Variants in UBE2R2 observed in about 807,000 individuals in gnomAD.
UBE2R2 encodes ubiquitin conjugating enzyme E2 R2, also known as ubiquitin-conjugating enzyme E2 R2.
Under a neutral mutation model 27.8 loss-of-function variants are expected in UBE2R2, and 1 was observed. That is an observed-to-expected ratio of 0.04 (90% CI 0.01 to 0.17). The LOEUF (loss-of-function observed/expected upper bound fraction) is 0.17, where lower values mean the gene tolerates loss of function less well. Among genes scored for constraint, UBE2R2 ranks in the 10% least tolerant of loss-of-function variants. UBE2R2 has a pLI of 1.00. For synonymous variants in UBE2R2, 106 were observed against 113.3 expected (o/e 0.94, Z 0.41); for missense variants, 100 against 291.0 (o/e 0.34, Z 4.78).
At chr9:33,863,228 A>G (rs1447928779) in intron 1 of UBE2R2, among the ~76,000 whole-genome samples, 1 of 151,372 alleles carries the variant, frequency 6.6e-6, no homozygotes, top group African/African-American at 2.4e-5. Flanking sequence ...AAGAAAGTAC[A>G]TGGGTACATG....
At chr9:33,909,293 C>T (rs1158714113) in intron 3 of UBE2R2, among the ~76,000 whole-genome samples, 1 of 152,002 alleles carries the variant, frequency 6.6e-6, no homozygotes, top group Non-Finnish European at 1.5e-5. Context: ...TGAGACCACC[C>T]TGGCCAACAT....
intron 3 of UBE2R2, among the ~76,000 whole-genome samples, chr9:33,910,414 T>C (rs544902889): frequency 3.8e-4 from 58 of 152,324 alleles, no homozygotes; most frequent in African/African-American, 1.4e-3. Context: ...CCCAAAGTGC[T>C]GGGATTACAG....
At chr9:33,871,537 C>A (rs1420117774) in intron 1 of UBE2R2, among the ~76,000 whole-genome samples, 2 of 151,898 alleles carry the variant, frequency 1.3e-5, no homozygotes, top group African/African-American at 4.8e-5. Flanking sequence ...GGTACTTGTT[C>A]TTTTTATTTA....
intron 1 of UBE2R2, among the ~76,000 whole-genome samples, chr9:33,854,831 G>A (rs1056206125): frequency 8.6e-5 from 13 of 150,682 alleles, no homozygotes; most frequent in East Asian, 1.9e-4. Flanking sequence ...TGATCCTCCC[G>A]CCTTAGCCTC....
chr9:33,916,522 G>T (rs1359960856), intron 4 of UBE2R2, among the ~76,000 whole-genome samples: 2 of 152,182 alleles, frequency 1.3e-5, no homozygotes, highest in Non-Finnish European at 2.9e-5. Flanking sequence ...CATTAAACCA[G>T]AGTGGGACGT....
chr9:33,824,975 C>T (rs1041915757), intron 1 of UBE2R2, among the ~76,000 whole-genome samples: 1 of 151,788 alleles, frequency 6.6e-6, no homozygotes, highest in Non-Finnish European at 1.5e-5. Context: ...ATTATTTCTT[C>T]CTGGATTGAA....
At chr9:33,887,882 G>A (rs1449065941) in intron 2 of UBE2R2, among the ~76,000 whole-genome samples, 1 of 152,154 alleles carries the variant, frequency 6.6e-6, no homozygotes, top group Admixed American at 6.5e-5. Context: ...TCACCATGTT[G>A]GCCAGGCTGT....
intron 1 of UBE2R2, among the ~76,000 whole-genome samples, chr9:33,832,649 G>A (rs1292694233): frequency 2.7e-5 from 4 of 147,146 alleles, no homozygotes; most frequent in African/African-American, 1.0e-4. Context: ...ACAAGAGTGA[G>A]ACTCCGTCTA....
chr9:33,872,640 G>A (rs947689300), intron 1 of UBE2R2, among the ~76,000 whole-genome samples: 14 of 151,986 alleles, frequency 9.2e-5, no homozygotes, highest in African/African-American at 2.7e-4. Flanking sequence ...TACAAGATTA[G>A]CAGGGCATGG....
At chr9:33,900,705 A>G (rs755939825) in intron 3 of UBE2R2, among the ~76,000 whole-genome samples, 39 of 152,102 alleles carry the variant, frequency 2.6e-4, no homozygotes, top group Non-Finnish European at 3.4e-4. Flanking sequence ...ATATAAATAT[A>G]TATCTATATA....
At chr9:33,838,848 C>T (rs527924034) in intron 1 of UBE2R2, among the ~76,000 whole-genome samples, 3 of 151,608 alleles carry the variant, frequency 2.0e-5, no homozygotes, top group East Asian at 1.9e-4. Context: ...TTTGGGAGGC[C>T]GAGGTGGGTG....
rs367990862 is a variant in UBE2R2 at position 33,917,204 on chromosome 9, T to C, written c.684T>C (p.Tyr228=). The C allele has an allele frequency of 1.1e-5, 18 of 1,613,788 alleles. No homozygotes were observed. Among genetic ancestry groups the C allele is most frequent in the African/African-American group, 1.1e-4 (8 of 74,926 alleles). ...EDEEEEDADC[Y]DDDDSGNEES Reference sequence around the variant, plus strand: ...AGGAGGAGGAAGATGCCGACTGTTATGATGATGATGATTCTGGGAATGAGG... The same window carrying C: ...AGGAGGAGGAAGATGCCGACTGTTACGATGATGATGATTCTGGGAATGAGG... The change falls in exon 5 of 5, where the codon TAT becomes TAC. Residue 228 remains tyrosine (Y), a synonymous_variant. Transcript: ENST00000263228.
At chr9:33,892,190 T>C (rs1822003273) in intron 2 of UBE2R2, among the ~76,000 whole-genome samples, 1 of 152,156 alleles carries the variant, frequency 6.6e-6, no homozygotes, top group Non-Finnish European at 1.5e-5. Context: ...CCTTTCTGTT[T>C]TGCACTGTGT....
intron 1 of UBE2R2, among the ~76,000 whole-genome samples, chr9:33,869,932 C>A (rs968569347): frequency 6.6e-6 from 1 of 151,568 alleles, no homozygotes; most frequent in Non-Finnish European, 1.5e-5. Context: ...CCGAAACATC[C>A]GCCTCCTGGG....
intron 2 of UBE2R2, among the ~76,000 whole-genome samples, chr9:33,894,186 C>T (rs1327229752): frequency 2.0e-5 from 3 of 151,942 alleles, no homozygotes; most frequent in African/African-American, 4.8e-5. Flanking sequence ...AATTTCAGCA[C>T]TTTTAAAGGC....
chr9:33,817,680 G>T lies in UBE2R2; in HGVS notation c.-78G>T. On this transcript the variant is annotated 5_prime_UTR_variant, in exon 1 of 5. Coordinates refer to ENST00000263228, the MANE Select transcript of UBE2R2 (RefSeq NM_017811.4). ...TGCCCGGCCGGAGGGCGAGCGGAGG[G>T]GAGGGGCCTGGTCCGGCCCGGCCGG... The T allele has an allele frequency of 8.2e-7, 1 of 1,224,458 alleles. No individual in the cohort carries two copies. The allele number at this position is 1,224,458 out of a possible 1,614,324, so 75.8% of individuals were successfully genotyped here.
intron 1 of UBE2R2, among the ~76,000 whole-genome samples, chr9:33,830,717 A>C (rs893565115): frequency 6.6e-6 from 1 of 151,446 alleles, no homozygotes; most frequent in Non-Finnish European, 1.5e-5. Context: ...GCAGTGAGCC[A>C]AGATCGGCCA....
chr9:33,910,733 C>CT (rs753003075), intron 3 of UBE2R2, among the ~76,000 whole-genome samples: 4 of 152,232 alleles, frequency 2.6e-5, no homozygotes, highest in Non-Finnish European at 5.9e-5. Flanking sequence ...CTGCATTACT[C>CT]TGTCTTCCTT....
intron 1 of UBE2R2, among the ~76,000 whole-genome samples, chr9:33,883,713 CAAAAA>C (rs1158414910): frequency 3.2e-4 from 24 of 75,190 alleles, no homozygotes; most frequent in African/African-American, 1.3e-3. Context: ...GACTCTGTCT[CAAAAA>C]AAAAAAAAAA....
Sources: gnomAD v4.1 joint callset for allele counts (sites outside exome capture counted in the v4.1 genomes callset) on GRCh38, gnomAD v4.1.1 for gene constraint, MANE v1.5 for transcripts, NCBI Gene and HGNC (gene_info 2026-07-23, HGNC 2026-07-21) for gene names.